Variants in SULT2B1 observed in about 807,000 individuals in gnomAD.
SULT2B1 encodes the protein sulfotransferase 2B1.
SULT2B1 carries 16 observed loss-of-function variants against 33.2 expected under a neutral mutation model. That is an observed-to-expected ratio of 0.48 (90% CI 0.33 to 0.73). The LOEUF is 0.73. Among genes scored for constraint, SULT2B1 ranks in the 30% least tolerant of loss-of-function variants. The pLI, the probability that SULT2B1 is intolerant of heterozygous loss-of-function variation, is 0.02. For missense variants in SULT2B1, 500 were observed against 506.0 expected (o/e 0.99, Z 0.11); for synonymous variants, 186 against 200.5 (o/e 0.93, Z 0.61).
At chr19:48,579,747 C>A (rs1973462030) in intron 2 of SULT2B1, among the ~76,000 whole-genome samples, 1 of 151,322 alleles carries the variant, frequency 6.6e-6, no homozygotes, top group Non-Finnish European at 1.5e-5. Flanking sequence ...GTTGGAATTA[C>A]AGGCACCTGC....
chr19:48,588,873 C>G (rs1601109007), intron 3 of SULT2B1, among the ~76,000 whole-genome samples: 1 of 151,906 alleles, frequency 6.6e-6, no homozygotes, highest in South Asian at 2.1e-4. Flanking sequence ...AGAGGGAGGT[C>G]GGTGTGGCCG....
At chr19:48,563,757 G>C (rs1196532887) in intron 1 of SULT2B1, among the ~76,000 whole-genome samples, 1 of 152,074 alleles carries the variant, frequency 6.6e-6, no homozygotes, top group African/African-American at 2.4e-5. Context: ...TTGAGGCCAG[G>C]AGTTCAAGAC....
At position 48,591,675 on chromosome 19, in the gene SULT2B1, G is replaced by A. The variant is rs138616965; in HGVS notation, c.490G>A (p.Gly164Arg). The A allele has an allele frequency of 1.7e-5, 28 of 1,613,304 alleles. No homozygotes were observed. The highest frequency in any genetic ancestry group is 2.7e-5 in the African/African-American group (2 of 74,874). The change falls in exon 4 of 7, where the codon GGG becomes AGG. Residue 164 changes from glycine (G) to arginine (R), a missense_variant. By Grantham distance (125) the Gly-to-Arg change is moderately radical. Coordinates refer to ENST00000201586, the MANE Select transcript of SULT2B1 (RefSeq NM_177973.2). ...VSLYHYSKIA[G>R]QLKDPGTPDQ... Reference sequence around the variant, plus strand: ...CCTCTATCATTACTCCAAGATCGCCGGGCAGTTAAAGGACCCGGGCACACC... The same window carrying A: ...CCTCTATCATTACTCCAAGATCGCCAGGCAGTTAAAGGACCCGGGCACACC...
chr19:48,567,789 G>A (rs1973264993), intron 1 of SULT2B1, among the ~76,000 whole-genome samples: 1 of 151,952 alleles, frequency 6.6e-6, no homozygotes, highest in African/African-American at 2.4e-5. Context: ...GAGCAATGTG[G>A]TGAGACTCTA....
At chr19:48,594,086 C>T (rs2147628457) in intron 5 of SULT2B1, among the ~76,000 whole-genome samples, 1 of 151,644 alleles carries the variant, frequency 6.6e-6, no homozygotes, top group South Asian at 2.1e-4. Context: ...TGGTGAAACC[C>T]CGTCTCTGCT....
chr19:48,594,241 T>C (rs963112918), intron 5 of SULT2B1, among the ~76,000 whole-genome samples: 11 of 152,072 alleles, frequency 7.2e-5, no homozygotes, highest in African/African-American at 2.7e-4. Flanking sequence ...AGCTGGGTTA[T>C]AGAGCAAGAC....
At chr19:48,558,115 G>A (rs976584668) in intron 1 of SULT2B1, among the ~76,000 whole-genome samples, 3 of 152,028 alleles carry the variant, frequency 2.0e-5, no homozygotes, top group Non-Finnish European at 4.4e-5. Flanking sequence ...CCTTACAGCC[G>A]TCGGAGATTA....
intron 1 of SULT2B1, among the ~76,000 whole-genome samples, chr19:48,553,855 A>G (rs1223609859): frequency 2.0e-5 from 3 of 152,190 alleles, no homozygotes; most frequent in South Asian, 2.1e-4. Context: ...TGTCTAATCC[A>G]GGACTTCTGA....
intron 1 of SULT2B1, among the ~76,000 whole-genome samples, chr19:48,560,546 C>T (rs890100679): frequency 1.3e-5 from 2 of 151,228 alleles, no homozygotes; most frequent in Non-Finnish European, 2.9e-5. Context: ...TACCGTGAGC[C>T]CATAGGAAAA....
intron 6 of SULT2B1, 98 bp downstream of exon 6, chr19:48,597,017 G>T (rs1314877425): frequency 1.6e-6 from 2 of 1,287,264 alleles, no homozygotes; most frequent in Non-Finnish European, 2.1e-6. Context: ...TTCTCACCCA[G>T]CTGTAACATT....
chr19:48,588,499 C>T (rs1165429130), intron 3 of SULT2B1, among the ~76,000 whole-genome samples: 5 of 146,834 alleles, frequency 3.4e-5, no homozygotes, highest in African/African-American at 1.3e-4. Context: ...GCAACAAAAG[C>T]AAAACTCCGT....
intron 2 of SULT2B1, among the ~76,000 whole-genome samples, chr19:48,586,052 T>A (rs2544783): frequency 0.89 from 135,432 of 151,918 alleles, 60,474 homozygotes; most frequent in Non-Finnish European, 0.91. Flanking sequence ...CCGTATGTCT[T>A]CTAAAAATAA....
chr19:48,583,720 A>G (rs1030023085), intron 2 of SULT2B1, among the ~76,000 whole-genome samples: 5 of 152,186 alleles, frequency 3.3e-5, no homozygotes, highest in African/African-American at 4.8e-5. Context: ...TGGGAAGCTG[A>G]GGCATGAGAA....
chr19:48,570,857 G>T (rs1240415665), intron 1 of SULT2B1, among the ~76,000 whole-genome samples: 1 of 150,722 alleles, frequency 6.6e-6, no homozygotes, highest in East Asian at 2.0e-4. Flanking sequence ...CGAGTAGCTG[G>T]GACTACAGGC....
rs1233826055 is a variant in SULT2B1, at chr19:48,585,258, G to A, written c.215-1971G>A. Among the ~76,000 whole-genome samples the A allele has an allele frequency of 2.6e-5, 4 of 152,180 alleles. 1 individual carries two copies. The highest frequency in any genetic ancestry group is 4.2e-4 in the South Asian group (2 of 4,818). ...ATACTAACAGAAAGTAATTTTGAAC[G>A]TAATTGTTTCTCTTCTGAACAGCCT... On this transcript the variant is annotated intron_variant, in intron 2 of 6. Transcript: ENST00000201586.
Position 48,599,221 on chromosome 19 carries a change from C to T in SULT2B1, c.913C>T (p.Pro305Ser). 1.2e-6 allele frequency: 2 copies of T among 1,607,040 alleles called. No homozygotes were observed. ...CTACCGCAAGCAGATGCGGGGGATG[C>T]CGACCTTCCCCTGGGATGAAGACCC... ...RAYRKQMRGMPTFPWDEDPEE... is the reference protein window; with the variant it reads ...RAYRKQMRGMSTFPWDEDPEE... The change falls in exon 7 of 7, where the codon CCG (proline) becomes TCG (serine). Residue 305 changes from proline (P) to serine (S), a missense_variant. Pro to Ser is a moderately conservative substitution (Grantham distance 74). Transcript: ENST00000201586. The surrounding 1 kb of genome is among the most constrained non-coding windows in gnomAD (Gnocchi z 4.1).
chr19:48,561,121 A>C (rs936142388), intron 1 of SULT2B1, among the ~76,000 whole-genome samples: 1 of 149,556 alleles, frequency 6.7e-6, no homozygotes, highest in Admixed American at 6.6e-5. Context: ...AGACAGAGCA[A>C]GATCTTGTCT....
At chr19:48,567,213 T>A (rs1415075071) in intron 1 of SULT2B1, among the ~76,000 whole-genome samples, 1 of 152,134 alleles carries the variant, frequency 6.6e-6, no homozygotes, top group Non-Finnish European at 1.5e-5. Context: ...CTCAAGGGCA[T>A]CTGTCTATTC....
At chr19:48,555,595 G>A (rs868716927) in intron 1 of SULT2B1, among the ~76,000 whole-genome samples, 1 of 121,198 alleles carries the variant, frequency 8.3e-6, no homozygotes, top group African/African-American at 3.6e-5. Flanking sequence ...TCTCTTTTGA[G>A]ACAGAGCCTT....
Sources: gnomAD v4.1 joint callset for allele counts (sites outside exome capture counted in the v4.1 genomes callset) on GRCh38, gnomAD v4.1.1 for gene constraint, Gnocchi (gnomAD v3.1) non-coding constraint, MANE v1.5 for transcripts, NCBI Gene and HGNC (gene_info 2026-07-23, HGNC 2026-07-21) for gene names.